The following DPYD variants were observed in gnomAD, a reference collection of about 807,000 sequenced individuals.
DPYD encodes dihydropyrimidine dehydrogenase [NADP(+)].
A neutral mutation model predicts 116.2 loss-of-function variants in DPYD; 109 were observed. That is an observed-to-expected ratio of 0.94 (90% CI 0.80 to 1.10). The LOEUF (loss-of-function observed/expected upper bound fraction) is 1.10. Among genes scored for constraint, DPYD ranks in the 50% least tolerant of loss-of-function variants. The probability of loss-of-function intolerance (pLI) is 0.00; values close to 1 mark genes in which losing one functional copy is unlikely to be tolerated. For missense variants in DPYD, 1,302 were observed against 1,254.5 expected, an observed-to-expected ratio of 1.04 and a Z score of -0.57; for synonymous variants, 440 against 432.0, an observed-to-expected ratio of 1.02 and a Z score of -0.23.
chr1:97,917,383 T>C (rs1674269008), intron 1 of DPYD, among the ~76,000 whole-genome samples: 1 of 152,218 alleles, frequency 6.6e-6, no homozygotes, highest in Admixed American at 6.5e-5. Context: ...ATGACTTTCC[T>C]TGTTTCAAAA....
chr1:97,629,130 TC>T (rs1228837063), intron 8 of DPYD, among the ~76,000 whole-genome samples: 2 of 152,076 alleles, frequency 1.3e-5, no homozygotes, highest in Non-Finnish European at 2.9e-5. Context: ...TCTGTTTTCC[TC>T]CTACCCCATA....
At chr1:97,351,984 G>A (rs1670169467) in intron 16 of DPYD, among the ~76,000 whole-genome samples, 1 of 152,158 alleles carries the variant, frequency 6.6e-6, no homozygotes, top group Non-Finnish European at 1.5e-5. Context: ...ACCAGAGGTG[G>A]AGATTACTAT....
intron 20 of DPYD, among the ~76,000 whole-genome samples, chr1:97,170,100 G>A (rs1014163123): frequency 6.6e-6 from 1 of 152,126 alleles, no homozygotes; most frequent in African/African-American, 2.4e-5. Flanking sequence ...GCATCACAAA[G>A]GCAGGGGAAA....
chr1:97,353,205 T>A (rs1377353383), intron 16 of DPYD, among the ~76,000 whole-genome samples: 1 of 152,150 alleles, frequency 6.6e-6, no homozygotes, highest in Non-Finnish European at 1.5e-5. Context: ...CACAGAGCAG[T>A]GCATAATTTA....
chr1:97,918,181 G>A (rs1307174156), intron 1 of DPYD, among the ~76,000 whole-genome samples: 1 of 152,110 alleles, frequency 6.6e-6, no homozygotes, highest in Admixed American at 6.5e-5. Flanking sequence ...CTGAGAATAA[G>A]ATATATTTTT....
Position 97,485,071 on chromosome 1 carries a change from G to A in DPYD, c.1740+30655C>T, listed in dbSNP as rs1290832267. On this transcript the variant is annotated intron_variant, in intron 13 of 22. Transcript: ENST00000370192. ...TGAGGAGTTTCTGTTCATTTATTCT[G>A]TTTGAGATTCATTGAGCTTCCTCAA... 2.6e-5 allele frequency among the ~76,000 whole-genome samples: 4 copies of A among 152,086 alleles called. No individual in the cohort carries two copies. In the East Asian group the frequency reaches 7.7e-4, roughly 29 times the overall value.
At chr1:97,499,037 G>T (rs905240600) in intron 13 of DPYD, among the ~76,000 whole-genome samples, 10 of 151,506 alleles carry the variant, frequency 6.6e-5, no homozygotes, top group African/African-American at 2.2e-4. Context: ...AACTTTAAAA[G>T]TTATTTTCAT....
chr1:97,911,603 G>A (rs1673940143), intron 1 of DPYD, among the ~76,000 whole-genome samples: 2 of 151,966 alleles, frequency 1.3e-5, no homozygotes, highest in Admixed American at 1.3e-4. Flanking sequence ...AAAAGAAAAT[G>A]TACACACACA....
chr1:97,900,302 A>G (rs1331649926), intron 1 of DPYD, among the ~76,000 whole-genome samples: 5 of 151,846 alleles, frequency 3.3e-5, no homozygotes, highest in Non-Finnish European at 7.4e-5. Flanking sequence ...AGGAATAAAT[A>G]AAGTTCTGTC....
intron 20 of DPYD, among the ~76,000 whole-genome samples, chr1:97,172,642 G>C (rs1656815056): frequency 6.6e-6 from 1 of 152,142 alleles, no homozygotes; most frequent in African/African-American, 2.4e-5. Context: ...TCTCGTCACA[G>C]ATGAAGGAAA....
intron 8 of DPYD, among the ~76,000 whole-genome samples, chr1:97,652,912 T>C (rs1352929309): frequency 2.0e-5 from 3 of 152,202 alleles, no homozygotes; most frequent in Non-Finnish European, 4.4e-5. Flanking sequence ...CCTAGGCATA[T>C]GCCATCCCAT....
intron 16 of DPYD, among the ~76,000 whole-genome samples, chr1:97,325,613 T>C (rs999658925): frequency 2.0e-5 from 3 of 152,102 alleles, no homozygotes; most frequent in Admixed American, 2.0e-4. Flanking sequence ...ACTTGAAGTG[T>C]TTATGAAGTG....
At chr1:97,840,952 G>A (rs190254066) in intron 2 of DPYD, among the ~76,000 whole-genome samples, 2 of 152,142 alleles carry the variant, frequency 1.3e-5, no homozygotes, top group South Asian at 2.1e-4. Context: ...AGAAAGTGTA[G>A]GTGTAAGAAT....
At chr1:97,769,475 T>A (rs939372465) in intron 3 of DPYD, among the ~76,000 whole-genome samples, 1 of 152,152 alleles carries the variant, frequency 6.6e-6, no homozygotes, top group Non-Finnish European at 1.5e-5. Context: ...TAAATAATTA[T>A]AAGATGATTT....
intron 18 of DPYD, among the ~76,000 whole-genome samples, chr1:97,274,864 G>A (rs932255169): frequency 6.6e-6 from 1 of 152,120 alleles, no homozygotes; most frequent in African/African-American, 2.4e-5. Context: ...CTGATCCCCT[G>A]AAGTTCACAG....
At chr1:97,913,374 A>G (rs1203095920) in intron 1 of DPYD, among the ~76,000 whole-genome samples, 1 of 152,070 alleles carries the variant, frequency 6.6e-6, no homozygotes, top group African/African-American at 2.4e-5. Flanking sequence ...ATTTCCAAAC[A>G]ATTTCACCAT....
intron 12 of DPYD, among the ~76,000 whole-genome samples, chr1:97,520,993 T>C (rs1648615644): frequency 6.6e-6 from 1 of 152,168 alleles, no homozygotes; most frequent in Non-Finnish European, 1.5e-5. Context: ...ATATACTTAG[T>C]AATGGGATTG....
chr1:97,266,275 T>C (rs559004010), intron 18 of DPYD, among the ~76,000 whole-genome samples: 1 of 152,300 alleles, frequency 6.6e-6, no homozygotes, highest in East Asian at 1.9e-4. Flanking sequence ...CAAGGGAGAA[T>C]ACTAACTAGA....
At chr1:97,906,186 A>C (rs1296283788) in intron 1 of DPYD, among the ~76,000 whole-genome samples, 1 of 152,044 alleles carries the variant, frequency 6.6e-6, no homozygotes, top group Non-Finnish European at 1.5e-5. Context: ...CTGGCCCCTA[A>C]ATTACTGGAT....
Sources: gnomAD v4.1 joint callset for allele counts (sites outside exome capture counted in the v4.1 genomes callset) on GRCh38, gnomAD v4.1.1 for gene constraint, MANE v1.5 for transcripts, NCBI Gene and HGNC (gene_info 2026-07-23, HGNC 2026-07-21) for gene names.